Variants in KLHL32 observed in about 807,000 individuals in gnomAD.
KLHL32 encodes the protein kelch-like protein 32.
KLHL32 carries 35 observed loss-of-function variants against 64.8 expected under a neutral mutation model. The ratio of observed to expected loss-of-function variants is 0.54; its 90% CI spans 0.41 to 0.72. KLHL32 has a LOEUF of 0.72. Ranked by LOEUF, KLHL32 falls within the 30% of genes least tolerant of loss-of-function variation. KLHL32 has a pLI of 0.00. For missense variants in KLHL32, 589 were observed against 768.5 expected, an observed-to-expected ratio of 0.77 and a Z score of 2.76; for synonymous variants, 259 against 281.0, an observed-to-expected ratio of 0.92 and a Z score of 0.78.
At chr6:97,108,064 C>T (rs763994911) in intron 6 of KLHL32, among the ~76,000 whole-genome samples, 1 of 152,132 alleles carries the variant, frequency 6.6e-6, no homozygotes, top group Non-Finnish European at 1.5e-5. Flanking sequence ...ATGGAAATGA[C>T]GGTCTGCTGT....
intron 6 of KLHL32, among the ~76,000 whole-genome samples, chr6:97,096,933 G>C (rs189182758): frequency 6.6e-6 from 1 of 152,214 alleles, no homozygotes; most frequent in African/African-American, 2.4e-5. Context: ...TAATGAAACA[G>C]CACTGAGAGG....
At chr6:96,970,713 C>G (rs1775015829) in intron 2 of KLHL32, among the ~76,000 whole-genome samples, 1 of 152,156 alleles carries the variant, frequency 6.6e-6, no homozygotes, top group Non-Finnish European at 1.5e-5. Flanking sequence ...AATTAAGTTC[C>G]TTTCTACAGA....
chr6:97,049,276 C>T (rs759130873), intron 4 of KLHL32, among the ~76,000 whole-genome samples: 1 of 152,116 alleles, frequency 6.6e-6, no homozygotes, highest in South Asian at 2.1e-4. Flanking sequence ...TTCTCTTGTA[C>T]CTTGGGGCCA....
At chr6:97,092,993 AACAACAAGGTGATTTATGAGATATG>A (rs1167253808) in intron 6 of KLHL32, among the ~76,000 whole-genome samples, 1 of 152,212 alleles carries the variant, frequency 6.6e-6, no homozygotes, top group Non-Finnish European at 1.5e-5. Context: ...AGCACAACAG[AACAACAAGGTGATTTATGAGATATG>A]ACATATTTAT....
intron 1 of KLHL32, among the ~76,000 whole-genome samples, chr6:96,956,730 C>T (rs891083964): frequency 1.2e-4 from 19 of 152,068 alleles, no homozygotes; most frequent in South Asian, 8.3e-4. Context: ...GGGAAAAAAG[C>T]TCATTTAATT....
intron 3 of KLHL32, among the ~76,000 whole-genome samples, chr6:97,024,657 C>T (rs17057252): frequency 0.081 from 12,249 of 151,894 alleles, 1,046 homozygotes; most frequent in Admixed American, 0.22. Flanking sequence ...TTCATTATCG[C>T]GTTTATAATT....
chr6:97,133,469 A>T (rs879530006), intron 10 of KLHL32, among the ~76,000 whole-genome samples: 18 of 152,254 alleles, frequency 1.2e-4, no homozygotes, highest in Non-Finnish European at 2.1e-4. Context: ...CCTTATAACT[A>T]CTTTTATTAT....
At chr6:96,907,714 A>G in the KLHL32 span, among the ~76,000 whole-genome samples, 1 of 152,284 alleles carries the variant, frequency 6.6e-6, no homozygotes, top group African/African-American at 2.4e-5. Flanking sequence ...CGCCCAGCTC[A>G]TTTCTGTATC....
chr6:97,129,333 A>G (rs181171267), intron 8 of KLHL32, among the ~76,000 whole-genome samples: 8 of 152,320 alleles, frequency 5.3e-5, no homozygotes, highest in Admixed American at 5.2e-4. Context: ...CTTGGCAAAA[A>G]GGAATCTGGG....
At chr6:97,003,705 A>T (rs1779326987) in intron 3 of KLHL32, among the ~76,000 whole-genome samples, 1 of 152,224 alleles carries the variant, frequency 6.6e-6, no homozygotes, top group South Asian at 2.1e-4. Context: ...AAAGTTCTGC[A>T]TATGGCTAGC....
intron 3 of KLHL32, among the ~76,000 whole-genome samples, chr6:97,034,333 A>G (rs1013842098): frequency 6.6e-6 from 1 of 152,004 alleles, no homozygotes; most frequent in East Asian, 1.9e-4. Context: ...CCATAGATGC[A>G]TGGATTTATT....
At chr6:97,128,158 G>C (rs147033754) in intron 8 of KLHL32, among the ~76,000 whole-genome samples, 1 of 152,180 alleles carries the variant, frequency 6.6e-6, no homozygotes, top group Non-Finnish European at 1.5e-5. Flanking sequence ...TCAGCTGAAT[G>C]TAATGGGATA....
chr6:96,928,042 C>T (rs1037691022), intron 1 of KLHL32, among the ~76,000 whole-genome samples: 1 of 152,208 alleles, frequency 6.6e-6, no homozygotes, highest in African/African-American at 2.4e-5. Flanking sequence ...TTTTCACATT[C>T]CTTCTTCTCA....
At chr6:97,004,939 CT>C (rs766070241) in intron 3 of KLHL32, among the ~76,000 whole-genome samples, 125 of 146,962 alleles carry the variant, frequency 8.5e-4, no homozygotes, top group Middle Eastern at 3.5e-3. Context: ...AGTTTTCTTT[CT>C]TTTTTTTTTG....
intron 7 of KLHL32, among the ~76,000 whole-genome samples, chr6:97,119,084 C>T (rs73758113): frequency 0.018 from 2,690 of 152,292 alleles, 79 homozygotes; most frequent in African/African-American, 0.062. Flanking sequence ...CAATAATTAT[C>T]TTGTCCTCTG....
chr6:96,997,838 G>A (rs1778581737), intron 3 of KLHL32, among the ~76,000 whole-genome samples: 4 of 152,044 alleles, frequency 2.6e-5, no homozygotes, highest in South Asian at 4.1e-4. Flanking sequence ...CATAAAAAAC[G>A]TACAAACCAA....
chr6:97,065,215 C>T (rs946119), intron 5 of KLHL32, among the ~76,000 whole-genome samples: 16,691 of 152,110 alleles, frequency 0.11, 956 homozygotes, highest in African/African-American at 0.13. Flanking sequence ...GAGTAATGTG[C>T]GTATTCCTCC....
chr6:97,019,925 G>A lies in KLHL32; in HGVS notation c.205-21567G>A, dbSNP rs921782843. The stretch of plus-strand genomic sequence containing the variant: ...CTCCCAAGTAGCTGGAACTACAGGC[G>A]CCCATCACCACTCCCGGCGAATTTT... On this transcript the variant is annotated intron_variant, in intron 3 of 10. Transcript: ENST00000369261. Among the ~76,000 whole-genome samples the A allele has an allele frequency of 3.4e-4, 50 of 147,716 alleles. 1 individual carries two copies. The highest frequency in any genetic ancestry group is 1.1e-3 in the African/African-American group (43 of 39,924).
Position 97,013,265 on chromosome 6 carries a change from G to A in KLHL32, c.205-28227G>A, listed in dbSNP as rs139669894. On this transcript the variant is annotated intron_variant, in intron 3 of 10. Transcript: ENST00000369261. ...TTCAGCAGTTTGGTATCAGAAAAGT[G>A]CACTGAGCTAGTGTTAAATAACTTT... is the stretch of plus-strand genomic sequence containing the variant. Among the ~76,000 whole-genome samples, 24 of 152,282 alleles carry A rather than the reference G, an allele frequency of 1.6e-4. No homozygotes were observed. The East Asian group carries it at 4.2e-3, about 27-fold the overall frequency.
Sources: allele counts gnomAD v4.1 joint callset (sites outside exome capture counted in the v4.1 genomes callset), GRCh38; gene constraint gnomAD v4.1.1; transcripts MANE v1.5; gene names NCBI Gene and HGNC (gene_info 2026-07-23, HGNC 2026-07-21).